Variants in CLMP observed in about 807,000 individuals in gnomAD.
The protein encoded by CLMP is CXADR like cell adhesion molecule.
In CLMP, 27 loss-of-function variants were observed where a neutral mutation model predicts 45.2. The ratio of observed to expected loss-of-function variants is 0.60; its 90% CI spans 0.44 to 0.82. The LOEUF is 0.82. Ranked by LOEUF, CLMP falls within the 40% of genes least tolerant of loss-of-function variation. The pLI is 0.00. For synonymous variants in CLMP, 167 were observed against 171.4 expected, an observed-to-expected ratio of 0.97 and a Z score of 0.20; for missense variants, 403 against 448.4, an observed-to-expected ratio of 0.90 and a Z score of 0.91.
chr11:123,126,119 C>A (rs1355857462), intron 1 of CLMP, among the ~76,000 whole-genome samples: 1 of 152,172 alleles, frequency 6.6e-6, no homozygotes, highest in Admixed American at 6.6e-5. Flanking sequence ...GCCTGAATAG[C>A]ATGAATTTCT....
intron 2 of CLMP, among the ~76,000 whole-genome samples, chr11:123,096,500 G>A (rs1865991258): frequency 6.6e-6 from 1 of 152,102 alleles, no homozygotes; most frequent in African/African-American, 2.4e-5. Context: ...CTCCAGCCTG[G>A]ACAACAAAGT....
At chr11:123,131,080 T>C (rs1324818392) in intron 1 of CLMP, among the ~76,000 whole-genome samples, 1 of 152,130 alleles carries the variant, frequency 6.6e-6, no homozygotes, top group African/African-American at 2.4e-5. Flanking sequence ...TGACCTCAAG[T>C]GATCCACCCC....
At position 123,084,718 on chromosome 11, in the gene CLMP, G is replaced by A; in HGVS notation, c.187-5C>T. ...ACGACTGGAGTAAGTGATCACCTGT[G>A]GGATAGACCGAGGCAGAGTCAAGCA... On this transcript the variant is annotated splice_polypyrimidine_tract_variant and splice_region_variant and intron_variant, in intron 2 of 6. Coordinates refer to ENST00000448775, the MANE Select transcript of CLMP (RefSeq NM_024769.5). 1 of 1,613,468 alleles carries A rather than the reference G, an allele frequency of 6.2e-7. No individual in the cohort carries two copies. The highest frequency in any genetic ancestry group is 8.5e-7 in the Non-Finnish European group (1 of 1,179,514).
chr11:123,184,388 C>A (rs1020546921), intron 1 of CLMP, among the ~76,000 whole-genome samples: 2 of 152,208 alleles, frequency 1.3e-5, no homozygotes, highest in Non-Finnish European at 2.9e-5. Context: ...AGCCACCGTG[C>A]CCAGCCGAAA....
chr11:123,129,197 G>A (rs797005179), intron 1 of CLMP, among the ~76,000 whole-genome samples: 84 of 151,878 alleles, frequency 5.5e-4, no homozygotes, highest in African/African-American at 2.0e-3. Context: ...TGGCGTGGTG[G>A]TGGGTGCCTG....
At chr11:123,190,013 A>C (rs1047757577) in intron 1 of CLMP, among the ~76,000 whole-genome samples, 3 of 151,992 alleles carry the variant, frequency 2.0e-5, no homozygotes, top group Non-Finnish European at 2.9e-5. Context: ...AAAAAAAAAA[A>C]AAAAAAAAAA....
At chr11:123,078,784 A>G (rs1865769306) in intron 5 of CLMP, among the ~76,000 whole-genome samples, 1 of 151,814 alleles carries the variant, frequency 6.6e-6, no homozygotes, top group South Asian at 2.1e-4. Flanking sequence ...AGCTGGGACT[A>G]CAGGTGCCTG....
At chr11:123,147,967 C>T (rs896429031) in intron 1 of CLMP, among the ~76,000 whole-genome samples, 1 of 152,072 alleles carries the variant, frequency 6.6e-6, no homozygotes, top group African/African-American at 2.4e-5. Flanking sequence ...CATGAGCCAC[C>T]GTGCGTGGCT....
At chr11:123,158,157 TG>T (rs369920579) in intron 1 of CLMP, among the ~76,000 whole-genome samples, 110 of 152,276 alleles carry the variant, frequency 7.2e-4, no homozygotes, top group African/African-American at 2.4e-3. Context: ...ACGGTTAGGC[TG>T]GGGCTCTAAT....
chr11:123,149,258 A>G (rs1195211983), intron 1 of CLMP, among the ~76,000 whole-genome samples: 1 of 152,040 alleles, frequency 6.6e-6, no homozygotes, highest in Non-Finnish European at 1.5e-5. Context: ...AGGAAACACC[A>G]CTCTGCTATA....
At chr11:123,137,879 C>T (rs967861528) in intron 1 of CLMP, among the ~76,000 whole-genome samples, 3 of 152,194 alleles carry the variant, frequency 2.0e-5, no homozygotes, top group East Asian at 1.9e-4. Flanking sequence ...CTGCTTTTTA[C>T]GTCTCCTTTG....
chr11:123,183,016 C>T (rs769579772), intron 1 of CLMP, among the ~76,000 whole-genome samples: 8 of 152,250 alleles, frequency 5.3e-5, no homozygotes, highest in Non-Finnish European at 1.2e-4. Context: ...TCACCTCTCT[C>T]AGGTCAGATG....
rs1345911449 is a variant in CLMP, at chr11:123,073,892, C to T, written c.822-118G>A. 6 of 1,015,322 alleles carry T rather than the reference C, an allele frequency of 5.9e-6. No homozygotes were observed. The East Asian group carries it at 1.3e-4, about 21-fold the overall frequency. The allele number at this position is 1,015,322 out of a possible 1,614,324, so 62.9% of individuals were successfully genotyped here. ...CTCAGATAATACCATCGGAAGGCAA[C>T]CATTTAGGGTCATAGGTGCTTCCTC... On this transcript the variant is annotated intron_variant, in intron 6 of 6. Coordinates refer to ENST00000448775, the MANE Select transcript of CLMP (RefSeq NM_024769.5).
chr11:123,179,361 T>G (rs1450821644), intron 1 of CLMP, among the ~76,000 whole-genome samples: 6 of 152,108 alleles, frequency 3.9e-5, no homozygotes, highest in Non-Finnish European at 1.5e-5. Context: ...ATAGAGAGAT[T>G]TGTAAAAGTT....
At chr11:123,179,579 C>T (rs139815606) in intron 1 of CLMP, among the ~76,000 whole-genome samples, 36 of 152,252 alleles carry the variant, frequency 2.4e-4, no homozygotes, top group African/African-American at 8.7e-4. Flanking sequence ...TTTGGAAATT[C>T]TGGGGAAACC....
rs1463172840 is a variant in CLMP at position 123,194,944 on chromosome 11, G to T, written c.-4C>A. On this transcript the variant is annotated 5_prime_UTR_variant, in exon 1 of 7. Transcript: ENST00000448775. Reference sequence around the variant, plus strand: ...AGAGGAGAAGGAGGAGGGACATCCCGATCCCCGGACGCGGGCGCTTCCCCG... The same window carrying T: ...AGAGGAGAAGGAGGAGGGACATCCCTATCCCCGGACGCGGGCGCTTCCCCG... The T allele has an allele frequency of 1.2e-6, 2 of 1,612,080 alleles. No individual in the cohort carries two copies. Among genetic ancestry groups the T allele is most frequent in the Non-Finnish European group, 1.7e-6 (2 of 1,179,122 alleles).
chr11:123,091,884 G>A (rs1382913627), intron 2 of CLMP, among the ~76,000 whole-genome samples: 1 of 152,052 alleles, frequency 6.6e-6, no homozygotes, highest in African/African-American at 2.4e-5. Flanking sequence ...CTTGGCTTCT[G>A]AAGGTTACAC....
chr11:123,090,041 A>T (rs964970593), intron 2 of CLMP, among the ~76,000 whole-genome samples: 1 of 151,434 alleles, frequency 6.6e-6, no homozygotes, highest in African/African-American at 2.4e-5. Flanking sequence ...GTGATCCAAG[A>T]TCACGCCATT....
chr11:123,097,320 C>T (rs1333646367), intron 2 of CLMP, among the ~76,000 whole-genome samples: 2 of 151,376 alleles, frequency 1.3e-5, no homozygotes, highest in African/African-American at 2.4e-5. Flanking sequence ...TATGTGCCAC[C>T]ACATCTGGCT....
Sources: allele counts gnomAD v4.1 joint callset (sites outside exome capture counted in the v4.1 genomes callset), GRCh38; gene constraint gnomAD v4.1.1; transcripts MANE v1.5; gene names NCBI Gene and HGNC (gene_info 2026-07-23, HGNC 2026-07-21).